The following AVL9 variants were observed in gnomAD, a reference collection of about 807,000 sequenced individuals.
The protein encoded by AVL9 is late secretory pathway protein AVL9 homolog.
A neutral mutation model predicts 79.2 loss-of-function variants in AVL9; 49 were observed. That is an observed-to-expected ratio of 0.62 (90% CI 0.49 to 0.79). The LOEUF is 0.79. Among genes scored for constraint, AVL9 ranks in the 30% least tolerant of loss-of-function variants. The pLI, the probability that AVL9 is intolerant of heterozygous loss-of-function variation, is 0.00. For missense variants in AVL9, 682 were observed against 776.8 expected, an observed-to-expected ratio of 0.88 and a Z score of 1.45; for synonymous variants, 299 against 280.6, an observed-to-expected ratio of 1.07 and a Z score of -0.65.
At chr7:32,579,767 C>T (rs1413115701) in intron 13 of AVL9, among the ~76,000 whole-genome samples, 1 of 146,768 alleles carries the variant, frequency 6.8e-6, no homozygotes, top group Non-Finnish European at 1.5e-5. Context: ...TTTTGTTGAT[C>T]CATCCACAAA....
intron 11 of AVL9, among the ~76,000 whole-genome samples, chr7:32,571,522 T>C (rs1790844316): frequency 6.6e-6 from 1 of 151,788 alleles, no homozygotes; most frequent in Non-Finnish European, 1.5e-5. Flanking sequence ...AGTGAAATTC[T>C]GTCTCAAAAA....
intron 9 of AVL9, 36 bp from the exon 10 acceptor site, chr7:32,558,893 A>G (rs768362269): frequency 1.3e-6 from 2 of 1,521,856 alleles, no homozygotes; most frequent in Non-Finnish European, 1.8e-6. Context: ...CCATATTATT[A>G]TAAGCCAAGC....
intron 1 of AVL9, among the ~76,000 whole-genome samples, chr7:32,498,502 G>A (rs1786965943): frequency 1.3e-5 from 2 of 151,954 alleles, no homozygotes; most frequent in South Asian, 4.2e-4. Flanking sequence ...CACCCGCCTT[G>A]GCCTCCCAAA....
intron 1 of AVL9, among the ~76,000 whole-genome samples, chr7:32,508,723 T>C (rs1787522860): frequency 6.6e-6 from 1 of 152,254 alleles, no homozygotes; most frequent in African/African-American, 2.4e-5. Flanking sequence ...GACCACTTTA[T>C]TGAATATAAA....
intron 1 of AVL9, among the ~76,000 whole-genome samples, chr7:32,523,801 T>C (rs1233078947): frequency 6.7e-6 from 1 of 149,988 alleles, no homozygotes; most frequent in Non-Finnish European, 1.5e-5. Context: ...TGGCACGATC[T>C]CGGCTCACTG....
chr7:32,508,446 C>T (rs1031542750), intron 1 of AVL9, among the ~76,000 whole-genome samples: 5 of 152,142 alleles, frequency 3.3e-5, no homozygotes, highest in African/African-American at 1.2e-4. Flanking sequence ...TTTTTTAACT[C>T]ACTCCAAATT....
intron 4 of AVL9, among the ~76,000 whole-genome samples, chr7:32,549,500 T>G (rs1386858209): frequency 6.6e-6 from 1 of 151,900 alleles, no homozygotes; most frequent in East Asian, 1.9e-4. Flanking sequence ...GTGCTGGGAT[T>G]GCAGGAGTGA....
intron 10 of AVL9, among the ~76,000 whole-genome samples, chr7:32,566,057 A>T (rs965347687): frequency 1.3e-5 from 2 of 150,946 alleles, no homozygotes; most frequent in African/African-American, 4.9e-5. Flanking sequence ...GGATCACTTG[A>T]GCTCAGGAGG....
At chr7:32,562,546 T>C (rs1007476685) in intron 10 of AVL9, 2 of 793,594 alleles carry the variant, frequency 2.5e-6, no homozygotes, top group African/African-American at 3.7e-5. Flanking sequence ...AAATTGAATC[T>C]TTAATTCACA....
At chr7:32,497,883 C>T (rs1310306204) in intron 1 of AVL9, among the ~76,000 whole-genome samples, 1 of 152,092 alleles carries the variant, frequency 6.6e-6, no homozygotes, top group Admixed American at 6.6e-5. Context: ...GATCTCCTTA[C>T]CTCGTGATCC....
intron 3 of AVL9, among the ~76,000 whole-genome samples, chr7:32,546,522 GAAAAT>G (rs1789512477): frequency 6.6e-6 from 1 of 152,092 alleles, no homozygotes; most frequent in East Asian, 1.9e-4. Context: ...ATGAAGCTGA[GAAAAT>G]AAAGAGAAAA....
intron 1 of AVL9, among the ~76,000 whole-genome samples, chr7:32,528,921 A>G (rs1788519600): frequency 6.6e-6 from 1 of 152,068 alleles, no homozygotes; most frequent in Non-Finnish European, 1.5e-5. Context: ...GAGGCAGGAG[A>G]ATGGCGTGAA....
intron 15 of AVL9, among the ~76,000 whole-genome samples, chr7:32,582,742 A>G (rs919492646): frequency 1.3e-5 from 2 of 152,040 alleles, no homozygotes; most frequent in Non-Finnish European, 2.9e-5. Context: ...CTGAAGTGCA[A>G]TATGGTGCGA....
At chr7:32,502,892 T>G (rs1185460532) in intron 1 of AVL9, among the ~76,000 whole-genome samples, 1 of 152,238 alleles carries the variant, frequency 6.6e-6, no homozygotes, top group East Asian at 1.9e-4. Flanking sequence ...TATTTCCCAA[T>G]GTCAATACTA....
chr7:32,579,466 A>ATTAT lies in AVL9; in HGVS notation c.1689-753_1689-752insTTAT, dbSNP rs1562801764. Among the ~76,000 whole-genome samples, 12 of 3,376 alleles carry ATTAT rather than the reference A, an allele frequency of 3.6e-3. 1 individual carries two copies. The highest frequency in any genetic ancestry group is 0.018 in the Admixed American group (2 of 110). The allele number at this position is 3,376 out of a possible 152,430, so 2.2% of individuals were successfully genotyped here. ...ATATAATATATTATATATTATATAT[A>ATTAT]ATATATTATATTATATATAATATAT... On this transcript the variant is annotated intron_variant, in intron 13 of 15. Transcript: ENST00000318709.
intron 1 of AVL9, among the ~76,000 whole-genome samples, chr7:32,520,261 T>G (rs1423062860): frequency 6.6e-6 from 1 of 152,228 alleles, no homozygotes; most frequent in East Asian, 1.9e-4. Flanking sequence ...GAGTATGATG[T>G]AAAACAGTTC....
intron 10 of AVL9, among the ~76,000 whole-genome samples, chr7:32,561,898 A>G (rs573985083): frequency 6.3e-4 from 96 of 152,328 alleles, no homozygotes; most frequent in African/African-American, 2.2e-3. Context: ...ATATTGCTGC[A>G]TCTCAGGGGA....
chr7:32,578,024 CCCG>C (rs1228171513), intron 13 of AVL9, among the ~76,000 whole-genome samples: 11 of 152,114 alleles, frequency 7.2e-5, no homozygotes, highest in Admixed American at 7.2e-4. Flanking sequence ...GTGTACCCAA[CCCG>C]CCAACAGGGT....
chr7:32,526,019 A>T (rs1490390680), intron 1 of AVL9, among the ~76,000 whole-genome samples: 1 of 152,144 alleles, frequency 6.6e-6, no homozygotes, highest in African/African-American at 2.4e-5. Context: ...GAGTACTGCT[A>T]TCAGGTTTCC....
Sources: allele counts gnomAD v4.1 joint callset (sites outside exome capture counted in the v4.1 genomes callset), GRCh38; gene constraint gnomAD v4.1.1; transcripts MANE v1.5; gene names NCBI Gene and HGNC (gene_info 2026-07-23, HGNC 2026-07-21).